The following RBM20 variants were observed in gnomAD, a reference collection of about 807,000 sequenced individuals.
RBM20 encodes RNA-binding protein 20.
RBM20 carries 51 observed loss-of-function variants against 110.1 expected under a neutral mutation model. The ratio of observed to expected loss-of-function variants is 0.46; its 90% CI spans 0.37 to 0.59. The LOEUF is 0.59. Ranked by LOEUF, RBM20 falls within the 20% of genes least tolerant of loss-of-function variation. The pLI is 0.00. For synonymous variants in RBM20, 589 were observed against 618.2 expected, an observed-to-expected ratio of 0.95 and a Z score of 0.70; for missense variants, 1,512 against 1,574.9, an observed-to-expected ratio of 0.96 and a Z score of 0.68.
At chr10:110,766,954 G>C (rs1217657907) in intron 1 of RBM20, among the ~76,000 whole-genome samples, 1 of 65,748 alleles carries the variant, frequency 1.5e-5, no homozygotes, top group African/African-American at 5.3e-5. Context: ...CGGGCGGGGG[G>C]TGACCCCCCC....
intron 1 of RBM20, among the ~76,000 whole-genome samples, chr10:110,693,567 TG>T (rs1352005229): frequency 6.6e-6 from 1 of 152,268 alleles, no homozygotes; most frequent in African/African-American, 2.4e-5. Context: ...TTGTTACTAC[TG>T]TCTGTTTTAT....
intron 1 of RBM20, among the ~76,000 whole-genome samples, chr10:110,727,143 CTTTTTTTTTTTTTTT>C (rs57606079): frequency 0.011 from 871 of 80,672 alleles, 18 homozygotes; most frequent in Non-Finnish European, 0.015. Context: ...TGCACCCAGC[CTTTTTTTTTTTTTTT>C]TTTTTTTTTT....
chr10:110,822,057 G>A (rs1844921491), intron 11 of RBM20, 122 bp downstream of exon 11: 5 of 976,022 alleles, frequency 5.1e-6, no homozygotes, highest in Non-Finnish European at 7.8e-6. Context: ...ATTAAAGTGG[G>A]TGCAGAAAGT....
At chr10:110,658,081 T>G (rs1862049871) in intron 1 of RBM20, among the ~76,000 whole-genome samples, 1 of 152,192 alleles carries the variant, frequency 6.6e-6, no homozygotes. Flanking sequence ...CAAGTAATTA[T>G]GACCATGGAA....
chr10:110,810,627 C>T (rs149115049), intron 8 of RBM20, among the ~76,000 whole-genome samples, 165 bp downstream of exon 8: 9 of 152,320 alleles, frequency 5.9e-5, no homozygotes, highest in Non-Finnish European at 5.9e-5. Flanking sequence ...ATGAAAAACA[C>T]CAGTCCAGTT....
intron 12 of RBM20, among the ~76,000 whole-genome samples, chr10:110,824,008 T>G (rs1004334232): frequency 2.6e-5 from 4 of 151,944 alleles, no homozygotes; most frequent in African/African-American, 9.7e-5. Context: ...ACTACAGGTG[T>G]GAGCCACTTC....
chr10:110,819,726 G>A (rs1032694696), intron 9 of RBM20, among the ~76,000 whole-genome samples: 4 of 152,144 alleles, frequency 2.6e-5, no homozygotes, highest in Non-Finnish European at 4.4e-5. Flanking sequence ...GTCTTGGCCG[G>A]CCCAAGTCAG....
intron 9 of RBM20, among the ~76,000 whole-genome samples, chr10:110,815,424 G>C (rs1330715289): frequency 2.6e-5 from 4 of 152,244 alleles, no homozygotes; most frequent in Non-Finnish European, 5.9e-5. Flanking sequence ...ACTCATGGAA[G>C]ACACTGTGTG....
chr10:110,805,348 C>T (rs886565588), intron 7 of RBM20, among the ~76,000 whole-genome samples: 2 of 152,116 alleles, frequency 1.3e-5, no homozygotes, highest in Admixed American at 6.5e-5. Context: ...GATGTCGAGC[C>T]TAGAAAGCCT....
chr10:110,781,339 A>C lies in RBM20; in HGVS notation c.730A>C (p.Thr244Pro). 1 of 1,551,704 alleles carries C rather than the reference A, an allele frequency of 6.4e-7. No homozygotes were observed. The highest frequency in any genetic ancestry group is 8.7e-7 in the Non-Finnish European group (1 of 1,146,996). The change falls in exon 2 of 14, where the codon ACA becomes CCA. Residue 244 changes from threonine (T) to proline (P), a missense_variant. Physicochemically the swap from Thr to Pro is conservative, Grantham distance 38. Transcript: ENST00000369519. ...CTCTGGCCAGACATATGGCCCTGAA[A>C]CAGATGGTCAGCCTGGCTTCCTGCC... ...ASSGQTYGPE[T>P]DGQPGFLPSS...
intron 1 of RBM20, among the ~76,000 whole-genome samples, chr10:110,666,024 GAA>G (rs1365934767): frequency 4.9e-5 from 6 of 121,766 alleles, no homozygotes; most frequent in African/African-American, 1.7e-4. Flanking sequence ...AGAGGGGAAG[GAA>G]GGAAGGAAGG....
chr10:110,650,077 T>C (rs1397405668), intron 1 of RBM20, among the ~76,000 whole-genome samples: 1 of 152,238 alleles, frequency 6.6e-6, no homozygotes, highest in Non-Finnish European at 1.5e-5. Flanking sequence ...TACAAGATTT[T>C]AGTCTTCAAA....
At chr10:110,701,946 G>C (rs941417163) in intron 1 of RBM20, among the ~76,000 whole-genome samples, 4 of 152,178 alleles carry the variant, frequency 2.6e-5, no homozygotes, top group African/African-American at 9.6e-5. Flanking sequence ...ATTCCTCTGG[G>C]GATAGAGCAG....
chr10:110,767,249 G>A (rs1396960905), intron 1 of RBM20, among the ~76,000 whole-genome samples: 1 of 139,186 alleles, frequency 7.2e-6, no homozygotes, highest in Non-Finnish European at 1.6e-5. Context: ...CGGGGTGGCT[G>A]GCCGGGCAGA....
At chr10:110,771,692 C>T (rs1353055627) in intron 1 of RBM20, among the ~76,000 whole-genome samples, 2 of 152,120 alleles carry the variant, frequency 1.3e-5, no homozygotes, top group Admixed American at 1.3e-4. Context: ...GAGAAGGCTG[C>T]CTGGAGGAGG....
intron 1 of RBM20, among the ~76,000 whole-genome samples, chr10:110,744,490 C>A (rs150615478): frequency 0.017 from 2,545 of 152,244 alleles, 34 homozygotes; most frequent in Non-Finnish European, 0.026. Flanking sequence ...CATTGGTTCC[C>A]AAAGTGTGGT....
chr10:110,763,192 C>G (rs1376341155), intron 1 of RBM20, among the ~76,000 whole-genome samples: 1 of 152,138 alleles, frequency 6.6e-6, no homozygotes, highest in Non-Finnish European at 1.5e-5. Context: ...TCAAACATAT[C>G]CGACTGGCTT....
At chr10:110,732,564 ATTTCTTTTATTTCTCAAACTCC>A (rs1843630295) in intron 1 of RBM20, among the ~76,000 whole-genome samples, 1 of 152,076 alleles carries the variant, frequency 6.6e-6, no homozygotes, top group Non-Finnish European at 1.5e-5. Context: ...CATTCCCTAA[ATTTCTTTTATTTCTCAAACTCC>A]GGTTTTGCCT....
intron 1 of RBM20, among the ~76,000 whole-genome samples, chr10:110,675,107 A>G (rs912087138): frequency 2.6e-5 from 4 of 152,198 alleles, no homozygotes; most frequent in Non-Finnish European, 5.9e-5. Flanking sequence ...ACAATGGATC[A>G]TCTGTGTTTG....
Sources: gnomAD v4.1 joint callset for allele counts (sites outside exome capture counted in the v4.1 genomes callset) on GRCh38, gnomAD v4.1.1 for gene constraint, MANE v1.5 for transcripts, NCBI Gene and HGNC (gene_info 2026-07-23, HGNC 2026-07-21) for gene names.